The following STRN variants were observed in gnomAD, a reference collection of about 807,000 sequenced individuals.
STRN encodes striatin.
A neutral mutation model predicts 96.3 loss-of-function variants in STRN; 53 were observed. The ratio of observed to expected loss-of-function variants is 0.55; its 90% confidence interval spans 0.44 to 0.69. STRN has a LOEUF of 0.69. Among genes scored for constraint, STRN ranks in the 30% least tolerant of loss-of-function variants. The pLI is 0.00. For missense variants in STRN, 987 were observed against 963.9 expected, an observed-to-expected ratio of 1.02 and a Z score of -0.32; for synonymous variants, 428 against 355.9, an observed-to-expected ratio of 1.20 and a Z score of -2.28.
At chr2:36,947,181 C>T (rs1664597993) in intron 1 of STRN, among the ~76,000 whole-genome samples, 1 of 152,094 alleles carries the variant, frequency 6.6e-6, no homozygotes, top group Admixed American at 6.5e-5. Context: ...CAGGCATGAG[C>T]CACCACACCT....
chr2:36,862,780 G>A (rs1003328303), intron 12 of STRN, among the ~76,000 whole-genome samples: 1 of 151,664 alleles, frequency 6.6e-6, no homozygotes, highest in Non-Finnish European at 1.5e-5. Flanking sequence ...TGTCACCCAG[G>A]CTGGAGTGCA....
At chr2:36,889,134 A>G (rs538822572) in intron 7 of STRN, among the ~76,000 whole-genome samples, 4 of 152,330 alleles carry the variant, frequency 2.6e-5, no homozygotes, top group East Asian at 3.9e-4. Context: ...AAGCACCAGA[A>G]GAATAAGTAT....
chr2:36,906,563 A>G (rs1040595695), intron 3 of STRN, among the ~76,000 whole-genome samples: 5 of 152,178 alleles, frequency 3.3e-5, no homozygotes, highest in Admixed American at 6.5e-5. Context: ...AGAAGAGCCA[A>G]TTTGGTAAAG....
At chr2:36,940,705 G>A (rs866012524) in intron 1 of STRN, among the ~76,000 whole-genome samples, 2 of 151,470 alleles carry the variant, frequency 1.3e-5, no homozygotes, top group East Asian at 1.9e-4. Flanking sequence ...GCATGGTGGC[G>A]GGGCGCCTGT....
chr2:36,889,258 A>G (rs1302988148), intron 7 of STRN, among the ~76,000 whole-genome samples: 4 of 152,190 alleles, frequency 2.6e-5, no homozygotes, highest in Non-Finnish European at 5.9e-5. Flanking sequence ...TAATAATTTG[A>G]GTTTCAATCC....
intron 6 of STRN, among the ~76,000 whole-genome samples, chr2:36,898,683 C>G (rs1266144934): frequency 2.0e-5 from 3 of 152,184 alleles, no homozygotes; most frequent in Admixed American, 6.5e-5. Context: ...TTAAGAAACA[C>G]AAATAGTGGC....
intron 1 of STRN, among the ~76,000 whole-genome samples, chr2:36,945,297 T>C (rs1262531370): frequency 1.3e-5 from 2 of 152,318 alleles, no homozygotes; most frequent in Admixed American, 6.5e-5. Context: ...GACCAAGCGA[T>C]GTCTAACTAG....
chr2:36,891,626 A>T (rs533185220), intron 7 of STRN, among the ~76,000 whole-genome samples: 1 of 152,334 alleles, frequency 6.6e-6, no homozygotes, highest in East Asian at 1.9e-4. Flanking sequence ...GCAACATAAC[A>T]TAATATCTCT....
chr2:36,904,894 T>C (rs1425225325), intron 4 of STRN, among the ~76,000 whole-genome samples: 1 of 152,066 alleles, frequency 6.6e-6, no homozygotes, highest in African/African-American at 2.4e-5. Context: ...TTTGCAAATT[T>C]GGAGAATTCA....
intron 1 of STRN, among the ~76,000 whole-genome samples, chr2:36,946,176 C>A (rs1670976685): frequency 6.8e-6 from 1 of 146,390 alleles, no homozygotes. Context: ...TGATTTTTTC[C>A]AGTATAAATA....
chr2:36,949,174 G>T (rs574095313), intron 1 of STRN, among the ~76,000 whole-genome samples: 2 of 152,268 alleles, frequency 1.3e-5, no homozygotes, highest in African/African-American at 4.8e-5. Context: ...TGCTATACAG[G>T]TTTGCAGCCT....
chr2:36,853,764 A>G (rs1668276666), intron 15 of STRN, among the ~76,000 whole-genome samples: 1 of 152,240 alleles, frequency 6.6e-6, no homozygotes, highest in African/African-American at 2.4e-5. Context: ...GCTAAATTCC[A>G]AAACAGAACA....
At chr2:36,867,733 T>G (rs1379659494) in intron 12 of STRN, 81 bp downstream of exon 12, 2 of 897,146 alleles carry the variant, frequency 2.2e-6, no homozygotes, top group Admixed American at 5.7e-5. Flanking sequence ...GAATACCTAG[T>G]AAGTGAAAGA....
chr2:36,887,042 G>GACAGACACACAC (rs1307746973), intron 7 of STRN, among the ~76,000 whole-genome samples: 2 of 144,792 alleles, frequency 1.4e-5, no homozygotes, highest in East Asian at 2.0e-4. Flanking sequence ...TCTCCTGAAA[G>GACAGACACACAC]ACACACACAC....
chr2:36,947,419 G>A (rs576545072), intron 1 of STRN, among the ~76,000 whole-genome samples: 3 of 151,684 alleles, frequency 2.0e-5, no homozygotes, highest in African/African-American at 7.2e-5. Flanking sequence ...CTAGATATAT[G>A]TAAAAATATT....
At chr2:36,896,255 T>G (rs953036082) in intron 6 of STRN, among the ~76,000 whole-genome samples, 4 of 152,332 alleles carry the variant, frequency 2.6e-5, no homozygotes, top group South Asian at 2.1e-4. Flanking sequence ...GGGAAAAACT[T>G]GTTTCTAGTC....
At chr2:36,920,750 C>T (rs1670230678) in intron 2 of STRN, among the ~76,000 whole-genome samples, 1 of 151,504 alleles carries the variant, frequency 6.6e-6, no homozygotes, top group African/African-American at 2.4e-5. Context: ...TTCCTTATCT[C>T]TACTGTCCTT....
intron 1 of STRN, among the ~76,000 whole-genome samples, chr2:36,954,948 C>A (rs897965827): frequency 3.9e-5 from 6 of 152,146 alleles, no homozygotes; most frequent in Non-Finnish European, 5.9e-5. Context: ...CCAAGAACTA[C>A]ACTGTTAAAC....
chr2:36,907,547 C>CAA (rs943574432), intron 3 of STRN, among the ~76,000 whole-genome samples: 4 of 133,884 alleles, frequency 3.0e-5, no homozygotes, highest in Admixed American at 7.6e-5. Flanking sequence ...GACTCTGTCT[C>CAA]AAAAAAAAAA....
Sources: allele counts gnomAD v4.1 joint callset (sites outside exome capture counted in the v4.1 genomes callset), GRCh38; gene constraint gnomAD v4.1.1; transcripts MANE v1.5; gene names NCBI Gene and HGNC (gene_info 2026-07-23, HGNC 2026-07-21).